Variants in CSMD1 observed in about 807,000 individuals in gnomAD.
The protein encoded by CSMD1 is CUB and Sushi multiple domains 1.
Under a neutral mutation model 417.5 loss-of-function variants are expected in CSMD1, and 213 were observed. The observed-to-expected ratio is 0.51, with a 90% confidence interval of 0.46 to 0.57. The LOEUF is 0.57. Among genes scored for constraint, CSMD1 ranks in the 20% least tolerant of loss-of-function variants. The pLI is 0.00. For synonymous variants in CSMD1, 2,862 were observed against 1,736.8 expected, an observed-to-expected ratio of 1.65 and a Z score of -16.11; for missense variants, 6,923 against 4,529.7, an observed-to-expected ratio of 1.53 and a Z score of -15.17.
chr8:3,235,944 G>A (rs1252621521), intron 26 of CSMD1, among the ~76,000 whole-genome samples: 1 of 103,956 alleles, frequency 9.6e-6, no homozygotes, highest in Non-Finnish European at 2.0e-5. Flanking sequence ...TTGAGACAGA[G>A]TCTTGATCTG....
Position 4,773,379 on chromosome 8 carries a change from G to T in CSMD1, c.86-135821C>A, listed in dbSNP as rs187228412. On this transcript the variant is annotated intron_variant, in intron 1 of 69. Transcript: ENST00000635120. ...GTTTCAGGAAAGCAGAAACTGACCA[G>T]AAAATCCCAATAGCTCCTTGTTTCT... Among the ~76,000 whole-genome samples, 17 of 152,260 alleles carry T rather than the reference G, an allele frequency of 1.1e-4. No individual in the cohort carries two copies. The East Asian group carries it at 3.3e-3, about 29-fold the overall frequency.
chr8:4,078,914 T>TATATATATATATAC (rs1799977085), intron 3 of CSMD1, among the ~76,000 whole-genome samples: 1 of 65,780 alleles, frequency 1.5e-5, no homozygotes, highest in Non-Finnish European at 3.2e-5. Flanking sequence ...TATATATATA[T>TATATATATATATAC]ATATATATAT....
intron 17 of CSMD1, among the ~76,000 whole-genome samples, chr8:3,395,514 C>G (rs11992446): frequency 6.6e-6 from 1 of 152,120 alleles, no homozygotes; most frequent in Non-Finnish European, 1.5e-5. Context: ...ATTTCAGAAG[C>G]TAAAACTTTG....
intron 1 of CSMD1, among the ~76,000 whole-genome samples, chr8:4,811,228 G>T (rs531425969): frequency 6.6e-6 from 1 of 152,068 alleles, no homozygotes; most frequent in South Asian, 2.1e-4. Context: ...TTCAACAAGA[G>T]AACTGAAGAC....
At chr8:3,691,223 C>T (rs559204682) in intron 7 of CSMD1, among the ~76,000 whole-genome samples, 64 of 152,064 alleles carry the variant, frequency 4.2e-4, no homozygotes, top group Middle Eastern at 3.4e-3. Context: ...AAAAAATTAG[C>T]CGGGCACGGT....
chr8:4,967,486 G>A (rs999596389), intron 1 of CSMD1, among the ~76,000 whole-genome samples: 1 of 152,128 alleles, frequency 6.6e-6, no homozygotes, highest in Admixed American at 6.6e-5. Flanking sequence ...GGTGTTCTAT[G>A]TACACACTCT....
chr8:3,740,724 A>G (rs1796757395), intron 6 of CSMD1, among the ~76,000 whole-genome samples: 2 of 152,210 alleles, frequency 1.3e-5, no homozygotes, highest in Admixed American at 6.5e-5. Context: ...CGAAGAGTCT[A>G]AAAGACTTGG....
intron 21 of CSMD1, among the ~76,000 whole-genome samples, chr8:3,352,731 T>C (rs1381953684): frequency 6.6e-6 from 1 of 152,120 alleles, no homozygotes; most frequent in Non-Finnish European, 1.5e-5. Context: ...TCCCACCTAA[T>C]TGGGAGGCTG....
intron 1 of CSMD1, among the ~76,000 whole-genome samples, chr8:4,819,876 A>T (rs1460855326): frequency 2.0e-5 from 3 of 151,958 alleles, no homozygotes; most frequent in Non-Finnish European, 2.9e-5. Flanking sequence ...TAAGGGAAGA[A>T]CTATCTGCCC....
chr8:4,145,625 G>T (rs981966679), intron 3 of CSMD1, among the ~76,000 whole-genome samples: 22 of 150,874 alleles, frequency 1.5e-4, no homozygotes, highest in Admixed American at 1.4e-3. Context: ...CTCGGCTCAA[G>T]CGATCCTGCC....
chr8:4,169,855 T>A (rs1042067113), intron 3 of CSMD1, among the ~76,000 whole-genome samples: 4 of 151,988 alleles, frequency 2.6e-5, no homozygotes, highest in African/African-American at 9.7e-5. Flanking sequence ...GCATGCGTCA[T>A]CATTTAGGAT....
chr8:4,170,970 T>C (rs951504644), intron 3 of CSMD1, among the ~76,000 whole-genome samples: 5 of 151,960 alleles, frequency 3.3e-5, no homozygotes, highest in African/African-American at 1.2e-4. Context: ...AGGGCTGCAG[T>C]TGACGAACTG....
intron 3 of CSMD1, among the ~76,000 whole-genome samples, chr8:4,168,652 G>C (rs974539733): frequency 1.6e-4 from 24 of 151,962 alleles, no homozygotes; most frequent in African/African-American, 5.1e-4. Flanking sequence ...TTCTACTCTG[G>C]AGTACATCAT....
At chr8:4,018,083 G>C (rs1046122571) in intron 4 of CSMD1, among the ~76,000 whole-genome samples, 46 of 152,188 alleles carry the variant, frequency 3.0e-4, no homozygotes, top group Admixed American at 9.8e-4. Flanking sequence ...AAATAAGCTG[G>C]TTATTATAGC....
Position 3,956,714 on chromosome 8 carries a change from C to T in CSMD1, c.818+41189G>A, listed in dbSNP as rs556016822. ...CAGAACCTATATTTGAAACCCTACT[C>T]TAAGGAAGTTCAGTTGGGCTGAACG... On this transcript the variant is annotated intron_variant, in intron 5 of 69. Transcript: ENST00000635120. Among the ~76,000 whole-genome samples the T allele has an allele frequency of 5.3e-5, 8 of 152,240 alleles. No homozygotes were observed. In the East Asian group the frequency reaches 1.5e-3, roughly 29 times the overall value.
At chr8:3,655,658 C>T (rs1173717972) in intron 7 of CSMD1, among the ~76,000 whole-genome samples, 1 of 80,446 alleles carries the variant, frequency 1.2e-5, no homozygotes, top group African/African-American at 4.5e-5. Context: ...ATGGAGGTTG[C>T]GTTTTTTTTT....
chr8:4,350,609 A>C (rs1242314110), intron 3 of CSMD1, among the ~76,000 whole-genome samples: 1 of 152,196 alleles, frequency 6.6e-6, no homozygotes, highest in African/African-American at 2.4e-5. Context: ...AAGCAGAACA[A>C]AACTGACCTG....
chr8:4,400,788 A>T (rs1213680284), intron 3 of CSMD1, among the ~76,000 whole-genome samples: 4 of 151,478 alleles, frequency 2.6e-5, no homozygotes, highest in Non-Finnish European at 4.4e-5. Flanking sequence ...CTTTTTAAAA[A>T]ACTATTGATG....
rs983794387 is a variant in CSMD1 at position 3,271,001 on chromosome 8, A to G, written c.4153+13143T>C. On this transcript the variant is annotated intron_variant, in intron 26 of 69. Coordinates refer to ENST00000635120, the MANE Select transcript of CSMD1 (RefSeq NM_033225.6). Reference sequence around the variant, plus strand: ...GTACAGGTTAGTTACATATGTATACATGTGCCATGCTGGTGCGCTGCACCC... The same window carrying G: ...GTACAGGTTAGTTACATATGTATACGTGTGCCATGCTGGTGCGCTGCACCC... Among the ~76,000 whole-genome samples, 7 of 151,996 alleles carry G rather than the reference A, an allele frequency of 4.6e-5. No homozygotes were observed. In the East Asian group the frequency reaches 9.7e-4, roughly 21 times the overall value.
Sources: allele counts gnomAD v4.1 joint callset (sites outside exome capture counted in the v4.1 genomes callset), GRCh38; gene constraint gnomAD v4.1.1; transcripts MANE v1.5; gene names NCBI Gene and HGNC (gene_info 2026-07-23, HGNC 2026-07-21).